The following HNMT variants were observed in gnomAD, a reference collection of about 807,000 sequenced individuals.
HNMT encodes histamine N-methyltransferase.
Under a neutral mutation model 32.1 loss-of-function variants are expected in HNMT, and 30 were observed. The ratio of observed to expected loss-of-function variants is 0.93; its 90% CI spans 0.70 to 1.27. The LOEUF is 1.27. Ranked by LOEUF, HNMT falls within the 50% of genes most tolerant of loss-of-function variation. The pLI, the probability that HNMT is intolerant of heterozygous loss-of-function variation, is 0.00. For missense variants in HNMT, 327 were observed against 346.0 expected (o/e 0.95, Z 0.43); for synonymous variants, 125 against 119.0 (o/e 1.05, Z -0.33).
In HNMT at chr2:138,014,045, A is replaced by G; in HGVS notation, c.794A>G (p.Asp265Gly). 2 of 1,613,718 alleles carry G rather than the reference A, an allele frequency of 1.2e-6. No individual in the cohort carries two copies. Among genetic ancestry groups the G allele is most frequent in the Non-Finnish European group, 1.7e-6 (2 of 1,179,732 alleles). Residue 265 changes from aspartate to glycine, a missense_variant, in exon 6 of 6, where the codon GAT becomes GGT. Transcript: ENST00000280097. ...GATCTCAGAGCAGAGCTTGGGAAAGATCTACAAGAGCCTGAATTTAGTGCT... is the reference window on the plus strand; with the variant it reads ...GATCTCAGAGCAGAGCTTGGGAAAGGTCTACAAGAGCCTGAATTTAGTGCT... ...PPDLRAELGK[D>G]LQEPEFSAKK...
chr2:137,982,776 AT>A (rs1232697946), intron 2 of HNMT, among the ~76,000 whole-genome samples: 1 of 152,214 alleles, frequency 6.6e-6, no homozygotes, highest in Non-Finnish European at 1.5e-5. Flanking sequence ...TTCCCTTTAT[AT>A]GCTGTAATAA....
At chr2:138,000,122 C>T (rs941243918) in intron 2 of HNMT, among the ~76,000 whole-genome samples, 1 of 152,132 alleles carries the variant, frequency 6.6e-6, no homozygotes. Context: ...GAAATCTAGA[C>T]TGCTAGTAGT....
At chr2:137,994,225 C>G (rs1680913726) in intron 2 of HNMT, among the ~76,000 whole-genome samples, 1 of 152,140 alleles carries the variant, frequency 6.6e-6, no homozygotes, top group Non-Finnish European at 1.5e-5. Flanking sequence ...CACAGTCTGA[C>G]AAATCGGATA....
In HNMT at chr2:138,014,131, C is replaced by T. The variant is rs1388391723; in HGVS notation, c.*1C>T. ...GAGTTTCATAGTGATTGAGGCATAA[C>T]TATCAATCACAAAAGTATATTCAAA... On this transcript the variant is annotated 3_prime_UTR_variant, in exon 6 of 6. Transcript: ENST00000280097. The T allele has an allele frequency of 1.4e-6, 2 of 1,465,534 alleles. No homozygotes were observed. Among genetic ancestry groups the T allele is most frequent in the Non-Finnish European group, 1.9e-6 (2 of 1,070,522 alleles). The allele number at this position is 1,465,534 out of a possible 1,614,324, so 90.8% of individuals were successfully genotyped here.
chr2:138,013,016 T>C (rs1681556534), intron 5 of HNMT, among the ~76,000 whole-genome samples: 1 of 152,140 alleles, frequency 6.6e-6, no homozygotes, highest in Admixed American at 6.6e-5. Context: ...AAATGTATAT[T>C]GAGTCATTCT....
intron 5 of HNMT, among the ~76,000 whole-genome samples, chr2:138,011,097 C>T (rs900552403): frequency 1.3e-5 from 2 of 151,822 alleles, no homozygotes; most frequent in Non-Finnish European, 1.5e-5. Context: ...TATGATAATG[C>T]ATTAGTCGGG....
intron 2 of HNMT, chr2:137,991,806 A>G (rs1196389337): frequency 6.6e-6 from 1 of 152,224 alleles, no homozygotes; most frequent in African/African-American, 2.4e-5. Flanking sequence ...TTATTATAAA[A>G]ATAACACAGG....
chr2:137,981,510 A>C, intron 2 of HNMT: 1 of 734,584 alleles, frequency 1.4e-6, no homozygotes. Context: ...TCTCCGTGGG[A>C]CTTCCCACCA....
intron 5 of HNMT, among the ~76,000 whole-genome samples, chr2:138,009,453 G>T (rs1236441840): frequency 6.6e-6 from 1 of 151,962 alleles, no homozygotes. Context: ...GTGCACACAT[G>T]AACTTGTCTT....
intron 2 of HNMT, among the ~76,000 whole-genome samples, chr2:137,977,518 A>C (rs1680322622): frequency 6.6e-6 from 1 of 152,044 alleles, no homozygotes; most frequent in African/African-American, 2.4e-5. Context: ...CTTCAGCTTG[A>C]TCTCTATTAA....
At chr2:137,986,725 A>G (rs1680661437) in intron 2 of HNMT, among the ~76,000 whole-genome samples, 1 of 152,250 alleles carries the variant, frequency 6.6e-6, no homozygotes, top group South Asian at 2.1e-4. Flanking sequence ...AAATTTTTAT[A>G]GAAACATTTC....
Position 138,005,155 on chromosome 2 carries a change from C to T in HNMT, c.453C>T (p.Ile151=). The T allele has an allele frequency of 1.3e-6, 2 of 1,594,652 alleles. No individual in the cohort carries two copies. The highest frequency in any genetic ancestry group is 1.7e-6 in the Non-Finnish European group (2 of 1,162,862). ...MIQMLYYVKD[I]PATLKFFHSL... ...AGATGCTGTATTATGTAAAAGACATCCCAGCTACCCTGAAATTCTTCCATA... is the reference window on the plus strand; with the variant it reads ...AGATGCTGTATTATGTAAAAGACATTCCAGCTACCCTGAAATTCTTCCATA... Residue 151 remains isoleucine, a synonymous_variant, in exon 5 of 6, where the codon ATC becomes ATT. Coordinates refer to ENST00000280097, the MANE Select transcript of HNMT (RefSeq NM_006895.3).
Position 137,970,176 on chromosome 2 carries a change from CA to C in HNMT, c.153del (p.Lys51AsnfsTer7). The C allele has an allele frequency of 6.4e-7, 1 of 1,572,472 alleles. No homozygotes were observed. The highest frequency in any genetic ancestry group is 8.7e-7 in the Non-Finnish European group (1 of 1,149,514). ...TTTTTTTCTTTCAGGATTGGAGACACAAAATCAGAAATTAAGATTCTAAGCA... is the reference window on the plus strand; with the variant it reads ...TTTTTTTCTTTCAGGATTGGAGACACAAATCAGAAATTAAGATTCTAAGCA... The part of the protein sequence containing the change: ...LPGIIGRIGD[T>X]KSEIKILSIG... On this transcript the variant is annotated frameshift_variant, in exon 2 of 6. Coordinates refer to ENST00000280097, the MANE Select transcript of HNMT (RefSeq NM_006895.3). LOFTEE classifies it high-confidence loss of function.
At position 137,964,642 on chromosome 2, in the gene HNMT, CGTT is replaced by C; in HGVS notation, c.137+20_137+22del. On this transcript the variant is annotated intron_variant, in intron 1 of 5. Coordinates refer to ENST00000280097, the MANE Select transcript of HNMT (RefSeq NM_006895.3). ...CATAATAGGAAGGTAACAAAAGGGACGTTGTTGTCAAAGGGACAAGCCTCAGAC... is the reference window on the plus strand; with the variant it reads ...CATAATAGGAAGGTAACAAAAGGGACGTTGTCAAAGGGACAAGCCTCAGAC... 1 of 1,613,112 alleles carries C rather than the reference CGTT, an allele frequency of 6.2e-7. No individual in the cohort carries two copies. Among genetic ancestry groups the C allele is most frequent in the South Asian group, 1.1e-5 (1 of 91,022 alleles).
intron 1 of HNMT, among the ~76,000 whole-genome samples, chr2:137,965,796 T>C (rs1196367267): frequency 6.6e-6 from 1 of 152,178 alleles, no homozygotes; most frequent in Non-Finnish European, 1.5e-5. Context: ...TTTGCTCATG[T>C]CTGTAGCTTA....
chr2:137,970,734 C>T (rs1211683787), intron 2 of HNMT, among the ~76,000 whole-genome samples: 4 of 151,840 alleles, frequency 2.6e-5, no homozygotes, highest in African/African-American at 4.8e-5. Flanking sequence ...TCCTGGCTAA[C>T]GCGGTGAAAC....
At chr2:138,002,415 T>A in intron 4 of HNMT, 1 of 935,738 alleles carries the variant, frequency 1.1e-6, no homozygotes, top group Non-Finnish European at 1.3e-6. Flanking sequence ...AAAATACCTC[T>A]ACAAGTTATC....
At chr2:138,002,810 T>C (rs1681215163) in intron 4 of HNMT, 2 of 965,066 alleles carry the variant, frequency 2.1e-6, no homozygotes, top group Admixed American at 6.2e-5. Context: ...CATCATAACA[T>C]ATTCTCTAGT....
At chr2:137,986,521 G>C (rs1334945036) in intron 2 of HNMT, among the ~76,000 whole-genome samples, 1 of 151,884 alleles carries the variant, frequency 6.6e-6, no homozygotes, top group Non-Finnish European at 1.5e-5. Context: ...GATGAGGGAG[G>C]GCAGTCTGCT....
Sources: allele counts gnomAD v4.1 joint callset (sites outside exome capture counted in the v4.1 genomes callset), GRCh38; gene constraint gnomAD v4.1.1; transcripts MANE v1.5; gene names NCBI Gene and HGNC (gene_info 2026-07-23, HGNC 2026-07-21).